SLC26A5: variants seen among roughly 807,000 people sequenced by gnomAD.
SLC26A5 encodes the protein solute carrier family 26 member 5, also known as prestin.
Under a neutral mutation model 81.0 loss-of-function variants are expected in SLC26A5, and 51 were observed. The observed-to-expected ratio is 0.63, with a 90% CI of 0.50 to 0.80. The LOEUF (loss-of-function observed/expected upper bound fraction) is 0.80. Among genes scored for constraint, SLC26A5 ranks in the 30% least tolerant of loss-of-function variants. The probability of loss-of-function intolerance (pLI) is 0.00; values close to 1 mark genes in which losing one functional copy is unlikely to be tolerated. For missense variants in SLC26A5, 771 were observed against 905.8 expected, an observed-to-expected ratio of 0.85 and a Z score of 1.91; for synonymous variants, 325 against 332.8, an observed-to-expected ratio of 0.98 and a Z score of 0.25.
intron 2 of SLC26A5, among the ~76,000 whole-genome samples, chr7:103,422,233 A>G (rs1471180621): frequency 6.6e-6 from 1 of 152,250 alleles, no homozygotes; most frequent in South Asian, 2.1e-4. Context: ...AAGAATAAAA[A>G]TACAACATAT....
At chr7:103,427,449 C>T (rs557055976) in intron 2 of SLC26A5, among the ~76,000 whole-genome samples, 1 of 152,270 alleles carries the variant, frequency 6.6e-6, no homozygotes, top group Non-Finnish European at 1.5e-5. Flanking sequence ...GATCCATCTA[C>T]ACTCACTTGG....
At chr7:103,379,415 G>C in intron 15 of SLC26A5, 80 bp from the exon 16 acceptor site, 6 of 808,168 alleles carry the variant, frequency 7.4e-6, no homozygotes, top group Non-Finnish European at 3.9e-6. Context: ...ACCCCAAATA[G>C]AAAATGAATG....
intron 8 of SLC26A5, among the ~76,000 whole-genome samples, chr7:103,398,590 A>C (rs1823333828): frequency 6.6e-6 from 1 of 152,200 alleles, no homozygotes; most frequent in Admixed American, 6.5e-5. Context: ...ACATACGCCC[A>C]TCCTGGATTG....
chr7:103,362,794 C>CAT, intron 19 of SLC26A5: 2 of 839,780 alleles, frequency 2.4e-6, no homozygotes, highest in South Asian at 1.7e-5. Context: ...AAGGCTATGT[C>CAT]TTTTTTTTTT....
intron 4 of SLC26A5, among the ~76,000 whole-genome samples, chr7:103,419,818 G>A (rs919795757): frequency 8.6e-5 from 13 of 151,910 alleles, no homozygotes; most frequent in African/African-American, 2.7e-4. Context: ...GATTACAGGC[G>A]TAAGCCACCA....
At chr7:103,425,650 AATAATAAATGTAATTGCC>A (rs1376929831) in intron 2 of SLC26A5, among the ~76,000 whole-genome samples, 1 of 152,084 alleles carries the variant, frequency 6.6e-6, no homozygotes, top group Non-Finnish European at 1.5e-5. Flanking sequence ...TATAATACAA[AATAATAAATGTAATTGCC>A]ATAAGATGCT....
chr7:103,420,879 T>TG lies in SLC26A5; in HGVS notation c.153-3dup. 1 of 1,606,428 alleles carries TG rather than the reference T, an allele frequency of 6.2e-7. No homozygotes were observed. Among genetic ancestry groups the TG allele is most frequent in the Non-Finnish European group, 8.5e-7 (1 of 1,173,320 alleles). On this transcript the variant is annotated splice_region_variant and splice_polypyrimidine_tract_variant and intron_variant, in intron 3 of 19. Coordinates refer to ENST00000306312, the MANE Select transcript of SLC26A5 (RefSeq NM_198999.3). ...TTTCTTATTTTTTTAGGAGTACATC[T>TG]GAAAGGACAAAGACAGACAGAGATA...
At chr7:103,355,686 CTA>C (rs1312892282) in intron 19 of SLC26A5, 1 of 1,605,582 alleles carries the variant, frequency 6.2e-7, no homozygotes, top group South Asian at 1.1e-5. Flanking sequence ...TCATCTTTCT[CTA>C]TGTAGGTATT....
At chr7:103,394,231 T>C (rs1017967566) in intron 9 of SLC26A5, among the ~76,000 whole-genome samples, 4 of 152,246 alleles carry the variant, frequency 2.6e-5, no homozygotes, top group Non-Finnish European at 5.9e-5. Flanking sequence ...TGAGTTTACC[T>C]GCTACATGCT....
At chr7:103,392,425 G>T (rs1479190887) in intron 10 of SLC26A5, among the ~76,000 whole-genome samples, 1 of 152,156 alleles carries the variant, frequency 6.6e-6, no homozygotes, top group African/African-American at 2.4e-5. Flanking sequence ...AAACGCCCTG[G>T]AAAAACATTT....
At chr7:103,392,726 T>C (rs1052207366) in intron 10 of SLC26A5, among the ~76,000 whole-genome samples, 193 bp downstream of exon 10, 2 of 152,168 alleles carry the variant, frequency 1.3e-5, no homozygotes, top group East Asian at 1.9e-4. Flanking sequence ...TACAGGGGCC[T>C]GCCACCATGC....
At chr7:103,402,003 T>C (rs189327678) in intron 8 of SLC26A5, among the ~76,000 whole-genome samples, 19 of 152,350 alleles carry the variant, frequency 1.2e-4, no homozygotes, top group East Asian at 5.8e-4. Flanking sequence ...TCAGGGATGC[T>C]GGCCTGAAAT....
At chr7:103,366,042 C>T in intron 19 of SLC26A5, 2 of 1,536,688 alleles carry the variant, frequency 1.3e-6, no homozygotes, top group Non-Finnish European at 1.8e-6. Context: ...ATTTTGAAAC[C>T]AATTTTGAAT....
At chr7:103,418,978 G>A (rs1043651783) in intron 4 of SLC26A5, among the ~76,000 whole-genome samples, 8 of 152,162 alleles carry the variant, frequency 5.3e-5, no homozygotes, top group Admixed American at 1.3e-4. Context: ...CCGGATAGGA[G>A]GTAATTGAAT....
chr7:103,444,081 A>G (rs1201444024), intron 1 of SLC26A5, among the ~76,000 whole-genome samples: 1 of 152,198 alleles, frequency 6.6e-6, no homozygotes, highest in Non-Finnish European at 1.5e-5. Context: ...CATTTTATGA[A>G]GTTGGTCCTG....
intron 19 of SLC26A5, among the ~76,000 whole-genome samples, chr7:103,366,684 A>AATG (rs1820735753): frequency 1.3e-5 from 2 of 152,234 alleles, no homozygotes; most frequent in Non-Finnish European, 2.9e-5. Flanking sequence ...AGTATCATCT[A>AATG]ATGTCATAAG....
At chr7:103,405,460 G>A (rs866664237) in intron 8 of SLC26A5, among the ~76,000 whole-genome samples, 42 of 152,278 alleles carry the variant, frequency 2.8e-4, no homozygotes, top group African/African-American at 9.6e-4. Context: ...CAGGTGTGCT[G>A]GAGTTTGCTG....
chr7:103,354,065 T>TA (rs1452560969), intron 19 of SLC26A5: 2 of 840,204 alleles, frequency 2.4e-6, no homozygotes, highest in African/African-American at 1.8e-5. Flanking sequence ...AACCAAAAAT[T>TA]AAAAAACCAA....
At chr7:103,362,901 C>G in intron 19 of SLC26A5, 1 of 624,044 alleles carries the variant, frequency 1.6e-6, no homozygotes, top group Non-Finnish European at 2.8e-6. Context: ...TCAAGCAATT[C>G]TCCTGCCTCA....
Sources: gnomAD v4.1 joint callset for allele counts (sites outside exome capture counted in the v4.1 genomes callset) on GRCh38, gnomAD v4.1.1 for gene constraint, MANE v1.5 for transcripts, NCBI Gene and HGNC (gene_info 2026-07-23, HGNC 2026-07-21) for gene names.